Variants in BLOC1S3 observed in about 807,000 individuals in gnomAD.
The protein encoded by BLOC1S3 is biogenesis of lysosome-related organelles complex 1 subunit 3.
Under a neutral mutation model 9.1 loss-of-function variants are expected in BLOC1S3, and 7 were observed. The observed-to-expected ratio is 0.77, with a 90% CI of 0.44 to 1.45. The LOEUF (loss-of-function observed/expected upper bound fraction) is 1.45, where lower values mean the gene tolerates loss of function less well. Ranked by LOEUF, BLOC1S3 falls within the 40% of genes most tolerant of loss-of-function variation. The pLI, the probability that BLOC1S3 is intolerant of heterozygous loss-of-function variation, is 0.01. For missense variants in BLOC1S3, 307 were observed against 315.2 expected (o/e 0.97, Z 0.20); for synonymous variants, 145 against 158.4 (o/e 0.92, Z 0.64).
At chr19:45,184,893 C>T (rs1455990938), downstream of BLOC1S3, among the ~76,000 whole-genome samples, 3 of 85,430 alleles carry the variant, frequency 3.5e-5, no homozygotes, top group African/African-American at 1.4e-4. Flanking sequence ...GAGCGAGACT[C>T]TGTCTCAAAC....
rs1969697646 is a variant in BLOC1S3, at chr19:45,202,303, T to TA, written n.181-101dup. The TA allele has an allele frequency of 5.8e-5, 9 of 154,408 alleles. No individual in the cohort carries two copies. In the East Asian group the frequency reaches 1.7e-3, roughly 29 times the overall value. 9.6% of individuals were successfully genotyped at this position (154,408 alleles called of 1,614,324 possible). On this transcript the variant is annotated intron_variant and non_coding_transcript_variant, in intron 2 of 3. Transcript: ENST00000591569. ...CAGCCACGTGGAACTGGGAGTTCAT[T>TA]AAGCCTCTTTTTCTTTATTAATTAC...
chr19:45,200,109 C>T (rs1036167506), intron 2 of BLOC1S3, among the ~76,000 whole-genome samples: 1 of 151,840 alleles, frequency 6.6e-6, no homozygotes, highest in Non-Finnish European at 1.5e-5. Flanking sequence ...CTCACCAATT[C>T]TTCAGGTTGA....
intron 2 of BLOC1S3, chr19:45,199,115 T>A (rs1042077679): frequency 6.6e-6 from 1 of 152,188 alleles, no homozygotes; most frequent in African/African-American, 2.4e-5. Flanking sequence ...AGTCTTTGGG[T>A]TAAATCTGCC....
At chr19:45,216,070 C>T (rs1295432812) in intron 3 of BLOC1S3, 1 of 1,613,642 alleles carries the variant, frequency 6.2e-7, no homozygotes, top group African/African-American at 1.3e-5. Flanking sequence ...CGGGGTGTCT[C>T]ACCTGATGTC....
chr19:45,188,041 G>T (rs79287205), intron 2 of BLOC1S3, among the ~76,000 whole-genome samples: 4,735 of 139,558 alleles, frequency 0.034, 99 homozygotes, highest in Middle Eastern at 0.12. Flanking sequence ...ATTTTTTTTT[G>T]AGAGAGAGCC....
intron 2 of BLOC1S3, among the ~76,000 whole-genome samples, chr19:45,200,721 G>A (rs996982468): frequency 6.6e-5 from 10 of 152,120 alleles, no homozygotes; most frequent in Non-Finnish European, 1.5e-4. Flanking sequence ...GTGGATGTTC[G>A]TCAATGGCTG....
chr19:45,216,214 C>T lies in BLOC1S3; in HGVS notation n.283-462C>T, dbSNP rs370905823. Reference sequence around the variant, plus strand: ...GGACTCCTGCAGGGGAGGGAGGGTGCGGGGTCACACCCTCCCAAGATTGAC... The same window carrying T: ...GGACTCCTGCAGGGGAGGGAGGGTGTGGGGTCACACCCTCCCAAGATTGAC... On this transcript the variant is annotated intron_variant and non_coding_transcript_variant, in intron 3 of 3. Coordinates refer to the BLOC1S3 transcript ENST00000591569. 13 of 1,610,916 alleles carry T rather than the reference C, an allele frequency of 8.1e-6. No homozygotes were observed. The highest frequency in any genetic ancestry group is 2.7e-5 in the African/African-American group (2 of 74,840).
At chr19:45,215,804 TC>T (rs1312510749) in intron 3 of BLOC1S3, among the ~76,000 whole-genome samples, 3 of 152,130 alleles carry the variant, frequency 2.0e-5, no homozygotes, top group Non-Finnish European at 4.4e-5. Flanking sequence ...CCTTCCTGCC[TC>T]CAGGCAGCCC....
In BLOC1S3 at chr19:45,179,936, T is replaced by C. The variant is rs777965410; in HGVS notation, c.*31T>C. On this transcript the variant is annotated 3_prime_UTR_variant, in exon 2 of 2. Transcript: ENST00000433642. The surrounding 1 kb of genome is among the most constrained non-coding windows in gnomAD (Gnocchi z 4.6). ...ATTCTACTTCCCAACCTGACTGCAA[T>C]TTGGGGGTAGGCCTTGCTGCCTCTG... The C allele has an allele frequency of 6.3e-6, 10 of 1,599,354 alleles. No individual in the cohort carries two copies. The highest frequency in any genetic ancestry group is 6.8e-6 in the Non-Finnish European group (8 of 1,173,176).
chr19:45,202,712 G>T (rs1969700414), intron 3 of BLOC1S3, among the ~76,000 whole-genome samples: 1 of 152,060 alleles, frequency 6.6e-6, no homozygotes, highest in Non-Finnish European at 1.5e-5. Context: ...TCCTCAAGCA[G>T]GAGTCTTTCC....
chr19:45,209,823 C>G (rs1969754981), intron 3 of BLOC1S3, among the ~76,000 whole-genome samples: 1 of 152,070 alleles, frequency 6.6e-6, no homozygotes, highest in Admixed American at 6.6e-5. Flanking sequence ...CCTCTGCCTC[C>G]CGGGTTCAAG....
chr19:45,206,450 G>GTTTTT (rs1054281226), intron 3 of BLOC1S3, among the ~76,000 whole-genome samples: 1,254 of 55,042 alleles, frequency 0.023, 299 homozygotes, highest in African/African-American at 0.043. Context: ...GATTAATCAA[G>GTTTTT]TTTTTTTTTT....
At chr19:45,207,575 A>C (rs1276248091) in intron 3 of BLOC1S3, among the ~76,000 whole-genome samples, 2 of 150,154 alleles carry the variant, frequency 1.3e-5, no homozygotes, top group African/African-American at 4.9e-5. Flanking sequence ...AAAAAAAAAA[A>C]AAAAAAAAAA....
At chr19:45,214,456 G>GTGTT (rs57770472) in intron 3 of BLOC1S3, among the ~76,000 whole-genome samples, 19,832 of 151,398 alleles carry the variant, frequency 0.13, 1,620 homozygotes, top group African/African-American at 0.24. Context: ...GTTTTTTTGT[G>GTGTT]TGTTTGTTTG....
intron 3 of BLOC1S3, among the ~76,000 whole-genome samples, chr19:45,209,778 GCACCATCTTGGCT>G (rs1212392050): frequency 2.6e-5 from 4 of 151,320 alleles, no homozygotes; most frequent in African/African-American, 4.9e-5. Context: ...GAGTGCAGTG[GCACCATCTTGGCT>G]CACCATCTTT....
At chr19:45,204,971 T>C (rs954974323) in intron 3 of BLOC1S3, among the ~76,000 whole-genome samples, 2 of 151,992 alleles carry the variant, frequency 1.3e-5, no homozygotes, top group Non-Finnish European at 2.9e-5. Flanking sequence ...TGACCTCGCG[T>C]AATCCCCCCA....
chr19:45,198,177 T>C (rs539771349), intron 2 of BLOC1S3, among the ~76,000 whole-genome samples: 19 of 152,210 alleles, frequency 1.2e-4, no homozygotes, highest in Non-Finnish European at 2.4e-4. Flanking sequence ...CCCATCTAAA[T>C]AGAGCAACCG....
At chr19:45,196,192 A>T (rs1330212332) in intron 2 of BLOC1S3, among the ~76,000 whole-genome samples, 2 of 150,140 alleles carry the variant, frequency 1.3e-5, no homozygotes, top group East Asian at 4.2e-4. Flanking sequence ...TTTATTTTTT[A>T]ATTTTTTATT....
At chr19:45,210,681 GC>G in intron 3 of BLOC1S3, among the ~76,000 whole-genome samples, 1 of 151,820 alleles carries the variant, frequency 6.6e-6, no homozygotes, top group East Asian at 1.9e-4. Context: ...ACAGCCAACT[GC>G]AACCTTGAAC....
Sources: gnomAD v4.1 joint callset for allele counts (sites outside exome capture counted in the v4.1 genomes callset) on GRCh38, gnomAD v4.1.1 for gene constraint, Gnocchi (gnomAD v3.1) non-coding constraint, MANE v1.5 for transcripts, NCBI Gene and HGNC (gene_info 2026-07-23, HGNC 2026-07-21) for gene names.